The following PCDHA2 variants were observed in gnomAD, a reference collection of about 807,000 sequenced individuals.
The protein encoded by PCDHA2 is protocadherin alpha-2.
In PCDHA2, 58 loss-of-function variants were observed where a neutral mutation model predicts 66.0. That is an observed-to-expected ratio of 0.88 (90% CI 0.71 to 1.09). The LOEUF (loss-of-function observed/expected upper bound fraction) is 1.09, where lower values mean the gene tolerates loss of function less well. PCDHA2 is among the 50% of genes least tolerant of loss of function. PCDHA2 has a pLI of 0.00. For synonymous variants in PCDHA2, 634 were observed against 554.0 expected, an observed-to-expected ratio of 1.14 and a Z score of -2.03; for missense variants, 1,267 against 1,242.3, an observed-to-expected ratio of 1.02 and a Z score of -0.30.
At chr5:140,836,597 T>C (rs2150265046) in intron 1 of PCDHA2, 7 of 1,613,676 alleles carry the variant, frequency 4.3e-6, no homozygotes, top group Non-Finnish European at 5.1e-6. Context: ...TAAAGCCCAC[T>C]CTGGTGTGCT....
chr5:140,859,547 A>G (rs1185528654), intron 1 of PCDHA2: 1 of 181,734 alleles, frequency 5.5e-6, no homozygotes, highest in Non-Finnish European at 1.1e-5. Flanking sequence ...TTCTAGTGTT[A>G]CCAAACACCA....
At chr5:140,806,995 C>A in intron 1 of PCDHA2, 1 of 684,992 alleles carries the variant, frequency 1.5e-6, no homozygotes, top group Non-Finnish European at 2.4e-6. Flanking sequence ...CACATGATGT[C>A]GCTCTTTACC....
chr5:140,889,028 C>G (rs1015343865), intron 1 of PCDHA2, among the ~76,000 whole-genome samples: 1 of 151,754 alleles, frequency 6.6e-6, no homozygotes. Flanking sequence ...CTTGGATAAC[C>G]GTAATTTGAT....
At chr5:140,870,482 C>T in intron 1 of PCDHA2, 1 of 1,614,244 alleles carries the variant, frequency 6.2e-7, no homozygotes, top group South Asian at 1.1e-5. Flanking sequence ...CCCGAGTACA[C>T]CGTGTTCGTG....
chr5:141,008,871 C>T (rs1249220900), intron 3 of PCDHA2, among the ~76,000 whole-genome samples: 2 of 152,168 alleles, frequency 1.3e-5, no homozygotes, highest in African/African-American at 4.8e-5. Context: ...TGCTGCATCC[C>T]ACCACCCTTC....
intron 1 of PCDHA2, chr5:140,929,215 T>C (rs1554206842): frequency 1.2e-6 from 2 of 1,613,934 alleles, no homozygotes; most frequent in East Asian, 2.2e-5. Context: ...GCGTGGGGAG[T>C]ACAATGCTGC....
intron 1 of PCDHA2, chr5:140,850,605 A>T (rs2041706241): frequency 6.3e-7 from 1 of 1,598,464 alleles, no homozygotes; most frequent in African/African-American, 1.3e-5. Flanking sequence ...GATCATCGCC[A>T]TCTGCGCGGT....
chr5:140,920,847 A>G (rs1410435400), intron 1 of PCDHA2, among the ~76,000 whole-genome samples: 1 of 152,028 alleles, frequency 6.6e-6, no homozygotes, highest in Non-Finnish European at 1.5e-5. Flanking sequence ...AATCTAAAAA[A>G]AAAAAAAAAA....
At chr5:140,940,199 A>G (rs1253658459) in intron 1 of PCDHA2, among the ~76,000 whole-genome samples, 2 of 152,136 alleles carry the variant, frequency 1.3e-5, no homozygotes, top group Non-Finnish European at 2.9e-5. Flanking sequence ...CATGGGTGTA[A>G]AATTCAAGAT....
chr5:140,875,497 C>T, intron 1 of PCDHA2: 1 of 1,613,256 alleles, frequency 6.2e-7, no homozygotes, highest in Non-Finnish European at 8.5e-7. Flanking sequence ...ACCAAGAGGC[C>T]CGGGATCCCA....
chr5:140,954,909 T>C (rs1309101151), intron 1 of PCDHA2, among the ~76,000 whole-genome samples: 3 of 152,164 alleles, frequency 2.0e-5, no homozygotes, highest in Admixed American at 6.5e-5. Flanking sequence ...TTTCATACTT[T>C]TATGAATTAC....
chr5:140,965,591 C>T (rs1440117062), intron 1 of PCDHA2, among the ~76,000 whole-genome samples: 1 of 151,692 alleles, frequency 6.6e-6, no homozygotes, highest in Non-Finnish European at 1.5e-5. Context: ...AATGGTTTTG[C>T]AGACTCTTGA....
At chr5:140,828,752 G>C in intron 1 of PCDHA2, 1 of 1,614,226 alleles carries the variant, frequency 6.2e-7, no homozygotes, top group Admixed American at 1.7e-5. Context: ...GGGCAAACCT[G>C]AGCTCACAGG....
At position 141,011,145 on chromosome 5, in the gene PCDHA2, TCTC is replaced by T. The variant is rs1410974061; in HGVS notation, c.*1209_*1211del. The T allele has an allele frequency of 6.5e-6, 1 of 153,734 alleles. No individual in the cohort carries two copies. Among genetic ancestry groups the T allele is most frequent in the Non-Finnish European group, 1.5e-5 (1 of 68,036 alleles). 9.5% of individuals were successfully genotyped at this position (153,734 alleles called of 1,614,324 possible). A position where few individuals can be genotyped will look rare whatever the true frequency, so the allele number is the denominator to read the frequency against. On this transcript the variant is annotated 3_prime_UTR_variant, in exon 4 of 4. Transcript: ENST00000526136. Reference sequence around the variant, plus strand: ...TTATGTGCACTTTGATACACAACCTTCTCTAACCAACTATATATCAAGACCCAA... The same window carrying T: ...TTATGTGCACTTTGATACACAACCTTTAACCAACTATATATCAAGACCCAA...
intron 1 of PCDHA2, among the ~76,000 whole-genome samples, chr5:140,838,217 A>C (rs1332894700): frequency 6.7e-6 from 1 of 150,262 alleles, no homozygotes; most frequent in Non-Finnish European, 1.5e-5. Context: ...TGGTACAAGC[A>C]GTTCTCATGC....
chr5:140,992,676 G>A (rs2097524186), intron 3 of PCDHA2, among the ~76,000 whole-genome samples: 1 of 152,146 alleles, frequency 6.6e-6, no homozygotes, highest in African/African-American at 2.4e-5. Flanking sequence ...GTATGTGTGT[G>A]TTAGGGGTTG....
At chr5:140,863,748 C>T (rs1221413981) in intron 1 of PCDHA2, 2 of 241,286 alleles carry the variant, frequency 8.3e-6, no homozygotes, top group South Asian at 5.4e-5. Flanking sequence ...TTTGTAATCC[C>T]GGCACTTTGG....
At chr5:140,969,224 T>A (rs782172299) in intron 1 of PCDHA2, 1 of 1,614,100 alleles carries the variant, frequency 6.2e-7, no homozygotes, top group East Asian at 2.2e-5. Context: ...ACCAGGGCCT[T>A]CGGGAGCCCA....
In PCDHA2 at chr5:140,796,690, G is replaced by T. The variant is rs1047221843; in HGVS notation, c.1726G>T (p.Ala576Ser). Residue 576 changes from alanine to serine, a missense_variant, in exon 1 of 4, where the codon GCA becomes TCA. Transcript: ENST00000526136. ...LAPRAGTAAGAVSELVPWSVG... is the reference protein window; with the variant it reads ...LAPRAGTAAGSVSELVPWSVG... ...GCCTAGGGCTGGCACCGCTGCTGGC[G>T]CAGTGAGTGAGCTGGTGCCGTGGTC... 44 of 1,613,826 alleles carry T rather than the reference G, an allele frequency of 2.7e-5. No individual in the cohort carries two copies. The highest frequency in any genetic ancestry group is 2.9e-5 in the Non-Finnish European group (34 of 1,179,898).
Sources: gnomAD v4.1 joint callset for allele counts (sites outside exome capture counted in the v4.1 genomes callset) on GRCh38, gnomAD v4.1.1 for gene constraint, MANE v1.5 for transcripts, NCBI Gene and HGNC (gene_info 2026-07-23, HGNC 2026-07-21) for gene names.